Variants in SDK1 observed in about 807,000 individuals in gnomAD.
The protein encoded by SDK1 is protein sidekick-1.
SDK1 carries 157 observed loss-of-function variants against 245.5 expected under a neutral mutation model. The observed-to-expected ratio is 0.64, with a 90% CI of 0.56 to 0.73. The LOEUF (loss-of-function observed/expected upper bound fraction) is 0.73. SDK1 is among the 30% of genes least tolerant of loss of function. The probability of loss-of-function intolerance (pLI) is 0.00; values close to 1 mark genes in which losing one functional copy is unlikely to be tolerated. For synonymous variants in SDK1, 1,647 were observed against 1,278.5 expected, an observed-to-expected ratio of 1.29 and a Z score of -6.15; for missense variants, 3,583 against 3,002.3, an observed-to-expected ratio of 1.19 and a Z score of -4.52.
chr7:3,913,346 T>C (rs910815029), intron 5 of SDK1, among the ~76,000 whole-genome samples: 1 of 148,304 alleles, frequency 6.7e-6, no homozygotes, highest in Admixed American at 6.9e-5. Flanking sequence ...CAGGCTGGAG[T>C]GCAGTGGCAC....
chr7:4,071,780 G>A (rs914207289), intron 20 of SDK1, among the ~76,000 whole-genome samples: 3 of 152,196 alleles, frequency 2.0e-5, no homozygotes, highest in Admixed American at 6.5e-5. Flanking sequence ...TCCCAGAAAC[G>A]GGGCTGCCCG....
Position 4,266,390 on chromosome 7 carries a change from A to C in SDK1, c.*1006A>C, listed in dbSNP as rs961661634. ...AAGCAACAGTGTCTGCAAATAAAGCAAAACAGCTCTGAGAACACACGCTCC... is the reference window on the plus strand; with the variant it reads ...AAGCAACAGTGTCTGCAAATAAAGCCAAACAGCTCTGAGAACACACGCTCC... On this transcript the variant is annotated 3_prime_UTR_variant, in exon 45 of 45. Coordinates refer to ENST00000404826, the MANE Select transcript of SDK1 (RefSeq NM_152744.4). 2.0e-6 allele frequency: 2 copies of C among 985,300 alleles called. No individual in the cohort carries two copies. Among genetic ancestry groups the C allele is most frequent in the African/African-American group, 3.5e-5 (2 of 57,210 alleles). 61.0% of individuals were successfully genotyped at this position (985,300 alleles called of 1,614,324 possible).
intron 1 of SDK1, among the ~76,000 whole-genome samples, chr7:3,597,551 A>G (rs112801869): frequency 2.0e-4 from 31 of 152,212 alleles, no homozygotes; most frequent in African/African-American, 6.7e-4. Flanking sequence ...GAACTTCCTT[A>G]TTATGCTGGA....
intron 44 of SDK1, among the ~76,000 whole-genome samples, chr7:4,251,082 C>T (rs1787262726): frequency 6.6e-6 from 1 of 152,142 alleles, no homozygotes. Context: ...TTTCAGAGTT[C>T]ATCAGGGTCA....
chr7:3,852,745 C>G (rs539259395), intron 5 of SDK1, among the ~76,000 whole-genome samples: 1 of 107,420 alleles, frequency 9.3e-6, no homozygotes, highest in Non-Finnish European at 1.7e-5. Flanking sequence ...AGCAAGACTC[C>G]GTCTCAAAAA....
At chr7:3,919,394 T>A (rs12701284) in intron 5 of SDK1, among the ~76,000 whole-genome samples, 7 of 152,070 alleles carry the variant, frequency 4.6e-5, no homozygotes, top group Non-Finnish European at 1.0e-4. Context: ...CATCTACTGC[T>A]GCAGGTCAGG....
chr7:4,248,344 A>G (rs933753148), intron 44 of SDK1, among the ~76,000 whole-genome samples: 3 of 143,048 alleles, frequency 2.1e-5, no homozygotes, highest in Non-Finnish European at 4.8e-5. Context: ...ACCTGAATAC[A>G]TGCACACACA....
chr7:3,912,666 C>T (rs985489102), intron 5 of SDK1, among the ~76,000 whole-genome samples: 5 of 152,234 alleles, frequency 3.3e-5, no homozygotes, highest in African/African-American at 1.2e-4. Context: ...GCCCCCTGGG[C>T]CCACCCCACG....
At chr7:3,542,668 A>G (rs1371558846) in intron 1 of SDK1, among the ~76,000 whole-genome samples, 1 of 152,204 alleles carries the variant, frequency 6.6e-6, no homozygotes, top group South Asian at 2.1e-4. Context: ...CTTTACAATA[A>G]CTATTGGCTA....
At chr7:4,139,563 GTGTGTATA>G (rs1779372751) in intron 28 of SDK1, among the ~76,000 whole-genome samples, 1 of 11,976 alleles carries the variant, frequency 8.4e-5, no homozygotes, top group Non-Finnish European at 1.6e-4. Flanking sequence ...ATGTATATAT[GTGTGTATA>G]TGTGTGTGTG....
intron 5 of SDK1, among the ~76,000 whole-genome samples, chr7:3,923,892 G>A (rs1171877906): frequency 3.3e-5 from 5 of 152,164 alleles, no homozygotes; most frequent in African/African-American, 1.2e-4. Context: ...TGCGGGTGGG[G>A]AATTTCAGGT....
At chr7:3,494,020 A>G (rs753683139) in intron 1 of SDK1, among the ~76,000 whole-genome samples, 8 of 152,216 alleles carry the variant, frequency 5.3e-5, no homozygotes, top group Non-Finnish European at 8.8e-5. Flanking sequence ...ATTCTGTATT[A>G]TACCTAGGTG....
In SDK1 at chr7:4,266,504, G is replaced by A. The variant is rs901003279; in HGVS notation, c.*1120G>A. On this transcript the variant is annotated 3_prime_UTR_variant, in exon 45 of 45. Transcript: ENST00000404826. Reference sequence around the variant, plus strand: ...AGCAGCCACCGCTTCTCCACCACTGGCGCTGCTGCTGCCCCCTCTCCCAGT... The same window carrying A: ...AGCAGCCACCGCTTCTCCACCACTGACGCTGCTGCTGCCCCCTCTCCCAGT... 1 of 985,348 alleles carries A rather than the reference G, an allele frequency of 1.0e-6. No individual in the cohort carries two copies. Among genetic ancestry groups the A allele is most frequent in the African/African-American group, 1.7e-5 (1 of 57,312 alleles). The allele number at this position is 985,348 out of a possible 1,614,324, so 61.0% of individuals were successfully genotyped here.
rs1203051122 is a variant in SDK1 at position 4,241,909 on chromosome 7, A to G, written c.6247A>G (p.Thr2083Ala). ...VKSTFSKKNG[T>A]RSPPRPSPGG... ...GAGCACCTTCTCCAAGAAGAACGGG[A>G]CCAGGTAGGCAGGCAGTGCTGTGCT... is the stretch of plus-strand genomic sequence containing the variant. The change falls in exon 43 of 45, where the codon ACC becomes GCC. Residue 2083 changes from threonine to alanine, a missense_variant. Thr to Ala is a moderately conservative substitution (Grantham distance 58). Transcript: ENST00000404826. 28 of 1,613,052 alleles carry G rather than the reference A, an allele frequency of 1.7e-5. No individual in the cohort carries two copies. Among genetic ancestry groups the G allele is most frequent in the Non-Finnish European group, 2.1e-5 (25 of 1,180,034 alleles).
At chr7:4,130,345 G>A (rs954137315) in intron 27 of SDK1, 2 of 510,448 alleles carry the variant, frequency 3.9e-6, no homozygotes, top group African/African-American at 2.0e-5. Flanking sequence ...GCCGTGGGCA[G>A]TGCTGGGGAG....
At chr7:3,575,668 G>A (rs538639011) in intron 1 of SDK1, among the ~76,000 whole-genome samples, 12 of 152,070 alleles carry the variant, frequency 7.9e-5, no homozygotes, top group African/African-American at 2.9e-4. Context: ...AAAGGCAATA[G>A]ATGTGTTTAG....
chr7:3,555,448 A>G lies in SDK1; in HGVS notation c.299-63632A>G, dbSNP rs1435655713. ...AAATCAAAATGGATTAAAAACTTTA[A>G]GATGTGAAGATTATGAAACTAGTAA... On this transcript the variant is annotated intron_variant, in intron 1 of 44. Coordinates refer to ENST00000404826, the MANE Select transcript of SDK1 (RefSeq NM_152744.4). Among the ~76,000 whole-genome samples, 6 of 152,208 alleles carry G rather than the reference A, an allele frequency of 3.9e-5. No homozygotes were observed. In the East Asian group the frequency reaches 1.2e-3, roughly 29 times the overall value.
At chr7:4,170,832 G>A (rs1035282569) in intron 32 of SDK1, among the ~76,000 whole-genome samples, 1 of 152,126 alleles carries the variant, frequency 6.6e-6, no homozygotes, top group African/African-American at 2.4e-5. Flanking sequence ...CCGGCATGGG[G>A]GAGCTGGAGA....
intron 1 of SDK1, among the ~76,000 whole-genome samples, chr7:3,363,675 G>A (rs1393716534): frequency 2.6e-5 from 4 of 152,110 alleles, no homozygotes; most frequent in East Asian, 1.9e-4. Flanking sequence ...CAAGAAGCAC[G>A]CAGTCTAGAT....
Sources: allele counts gnomAD v4.1 joint callset (sites outside exome capture counted in the v4.1 genomes callset), GRCh38; gene constraint gnomAD v4.1.1; transcripts MANE v1.5; gene names NCBI Gene and HGNC (gene_info 2026-07-23, HGNC 2026-07-21).